The following MUC22 variants were observed in gnomAD, a reference collection of about 807,000 sequenced individuals.
MUC22 encodes the protein mucin 22.
Under a neutral mutation model 40.3 loss-of-function variants are expected in MUC22, and 24 were observed. The observed-to-expected ratio is 0.60, with a 90% CI of 0.43 to 0.84. MUC22 has a LOEUF of 0.84. Among genes scored for constraint, MUC22 ranks in the 40% least tolerant of loss-of-function variants. The probability of loss-of-function intolerance (pLI) is 0.00; values close to 1 mark genes in which losing one functional copy is unlikely to be tolerated. For missense variants in MUC22, 1,926 were observed against 2,130.7 expected, an observed-to-expected ratio of 0.90 and a Z score of 1.89; for synonymous variants, 765 against 844.5, an observed-to-expected ratio of 0.91 and a Z score of 1.63.
rs550833400 is a variant in MUC22, at chr6:31,023,316, A to G, written c.71-2186A>G. 2.8e-4 allele frequency among the ~76,000 whole-genome samples: 43 copies of G among 152,216 alleles called. No homozygotes were observed. The South Asian group carries it at 8.7e-3, about 31-fold the overall frequency. ...TTTTTGGGGCTGAGGCAGGAAGATTACTTGAGCCCAGGAGTTCGAGACAAG... is the reference window on the plus strand; with the variant it reads ...TTTTTGGGGCTGAGGCAGGAAGATTGCTTGAGCCCAGGAGTTCGAGACAAG... On this transcript the variant is annotated intron_variant, in intron 1 of 3. Coordinates refer to ENST00000561890, the Ensembl canonical transcript of MUC22.
chr6:31,029,433 GACC>G, exon 2 of MUC22: 1 of 1,534,756 alleles, frequency 6.5e-7, no homozygotes, highest in Non-Finnish European at 8.7e-7. Context: ...CAGATTTGGA[GACC>G]ACCACAGTCT....
At chr6:31,007,736 C>G (rs1365077250), upstream of MUC22, among the ~76,000 whole-genome samples, 1 of 152,154 alleles carries the variant, frequency 6.6e-6, no homozygotes, top group African/African-American at 2.4e-5. The surrounding 1 kb of genome is among the most constrained non-coding windows in gnomAD (Gnocchi z 4.0). Flanking sequence ...CTGGAATTCC[C>G]TACTCTGTGC....
chr6:31,029,107 A>G (rs1765768554), exon 2 of MUC22: 2 of 1,534,760 alleles, frequency 1.3e-6, no homozygotes, highest in South Asian at 1.2e-5. Flanking sequence ...CTCTGAGACC[A>G]CCACGGCCTC....
At chr6:31,018,163 A>G (rs1562582099) in intron 1 of MUC22, among the ~76,000 whole-genome samples, 1 of 152,262 alleles carries the variant, frequency 6.6e-6, no homozygotes, top group Non-Finnish European at 1.5e-5. Flanking sequence ...TGCCTTCAGC[A>G]GTGCCTGGGA....
intron 1 of MUC22, among the ~76,000 whole-genome samples, chr6:31,020,301 C>G (rs1764576324): frequency 6.6e-6 from 1 of 152,020 alleles, no homozygotes. Context: ...GATAAAGAAG[C>G]AACATCATTA....
intron 1 of MUC22, among the ~76,000 whole-genome samples, chr6:31,024,233 A>C (rs1411143497): frequency 6.6e-6 from 1 of 152,232 alleles, no homozygotes; most frequent in African/African-American, 2.4e-5. Flanking sequence ...CACGATTCTG[A>C]ATTGAACTGG....
At chr6:31,019,185 C>T (rs1048300233) in intron 1 of MUC22, among the ~76,000 whole-genome samples, 36 of 152,188 alleles carry the variant, frequency 2.4e-4, no homozygotes, top group African/African-American at 8.2e-4. Context: ...AACTAATTTC[C>T]AACTCTGCGT....
exon 2 of MUC22, chr6:31,028,753 G>A (rs1765693218): frequency 1.3e-6 from 2 of 1,531,052 alleles, no homozygotes; most frequent in Non-Finnish European, 1.7e-6. Flanking sequence ...GACCACTACA[G>A]CCTCTACTGA....
exon 2 of MUC22, chr6:31,027,521 T>G: frequency 6.6e-7 from 1 of 1,518,116 alleles, no homozygotes; most frequent in South Asian, 1.2e-5. Context: ...GAGATCACAA[T>G]AGCCTCTACT....
Position 31,032,600 on chromosome 6 carries a change from T to A in MUC22, c.5055+19T>A, listed in dbSNP as rs1216420839. 2.5e-5 allele frequency: 38 copies of A among 1,517,888 alleles called. No homozygotes were observed. Among genetic ancestry groups the A allele is most frequent in the Non-Finnish European group, 3.3e-5 (37 of 1,136,622 alleles). 94.0% of individuals were successfully genotyped at this position (1,517,888 alleles called of 1,614,324 possible). On this transcript the variant is annotated intron_variant, in intron 3 of 3. Coordinates refer to ENST00000561890, the Ensembl canonical transcript of MUC22. The surrounding 1 kb of genome is among the most constrained non-coding windows in gnomAD (Gnocchi z 4.1). ...TTGTCTGGTGAGTACCCAGGGTGGG[T>A]TCATAGGGGAGCCTGGCAAGAAGGC...
chr6:31,027,769 A>C, exon 2 of MUC22: 2 of 1,531,766 alleles, frequency 1.3e-6, no homozygotes, highest in Non-Finnish European at 1.7e-6. Flanking sequence ...CACAGTCTCT[A>C]CTGAAGGCTC....
chr6:31,021,894 A>G (rs1231423005), intron 1 of MUC22, among the ~76,000 whole-genome samples: 1 of 151,892 alleles, frequency 6.6e-6, no homozygotes, highest in East Asian at 1.9e-4. Flanking sequence ...TTTGCAATAG[A>G]TTTTGCTACT....
At chr6:31,031,004 C>T (rs62401672) in intron 2 of MUC22, among the ~76,000 whole-genome samples, 17,338 of 152,210 alleles carry the variant, frequency 0.11, 1,148 homozygotes, top group Middle Eastern at 0.17. Flanking sequence ...AATTTGGCAA[C>T]CTTTGCTCCA....
At chr6:31,012,505 A>G (rs569028551) in intron 1 of MUC22, among the ~76,000 whole-genome samples, 2 of 152,314 alleles carry the variant, frequency 1.3e-5, no homozygotes, top group South Asian at 4.1e-4. Flanking sequence ...TCATTCAACA[A>G]ACATTTATAG....
Position 31,026,744 on chromosome 6 carries a change from CA to C in MUC22, c.1314del (p.Ser440LeufsTer122), listed in dbSNP as rs1424363418. 1 of 1,507,204 alleles carries C rather than the reference CA, an allele frequency of 6.6e-7. No individual in the cohort carries two copies. 93.4% of individuals were successfully genotyped at this position (1,507,204 alleles called of 1,614,324 possible). A position where few individuals can be genotyped will look rare whatever the true frequency, so the allele number is the denominator to read the frequency against. On this transcript the variant is annotated frameshift_variant, in exon 2 of 4. Transcript: ENST00000561890. LOFTEE classifies it high-confidence loss of function. ...TTCACTGCAGGCTCGGAAACCATCA[CA>C]CCCTCTACTGCAGGCTCAGAGACCA...
chr6:31,018,112 T>G (rs1170507749), intron 1 of MUC22, among the ~76,000 whole-genome samples: 1 of 152,216 alleles, frequency 6.6e-6, no homozygotes, highest in Non-Finnish European at 1.5e-5. Flanking sequence ...ATTGTTGAAG[T>G]CAGACCAAGA....
chr6:31,012,394 C>T (rs955829866), intron 1 of MUC22, among the ~76,000 whole-genome samples: 1 of 152,202 alleles, frequency 6.6e-6, no homozygotes, highest in Admixed American at 6.5e-5. Flanking sequence ...CCCATGCCTT[C>T]CAGATCTGCC....
intron 1 of MUC22, among the ~76,000 whole-genome samples, chr6:31,017,905 G>T (rs1412206068): frequency 6.7e-6 from 1 of 149,208 alleles, no homozygotes; most frequent in South Asian, 2.2e-4. Context: ...AAATATTGCT[G>T]CTGCTCACTC....
At chr6:31,028,801 G>A (rs1581661406) in exon 2 of MUC22, 7 of 1,532,798 alleles carry the variant, frequency 4.6e-6, no homozygotes, top group Admixed American at 2.0e-5. Flanking sequence ...TGAAAGCTCT[G>A]AGACCACTAC....
Sources: allele counts gnomAD v4.1 joint callset (sites outside exome capture counted in the v4.1 genomes callset), GRCh38; gene constraint gnomAD v4.1.1; non-coding constraint Gnocchi (gnomAD v3.1); transcripts MANE v1.5; gene names NCBI Gene and HGNC (gene_info 2026-07-23, HGNC 2026-07-21).